UGT3A1: variants seen among roughly 807,000 people sequenced by gnomAD.
UGT3A1 encodes the protein UDP-glycosyltransferase 3A1.
A neutral mutation model predicts 37.6 loss-of-function variants in UGT3A1; 40 were observed. The ratio of observed to expected loss-of-function variants is 1.06; its 90% CI spans 0.83 to 1.38. The LOEUF (loss-of-function observed/expected upper bound fraction) is 1.38, where lower values mean the gene tolerates loss of function less well. Among genes scored for constraint, UGT3A1 ranks in the 40% most tolerant of loss-of-function variants. UGT3A1 has a pLI of 0.00. For missense variants in UGT3A1, 642 were observed against 634.2 expected (o/e 1.01, Z -0.13); for synonymous variants, 256 against 232.3 (o/e 1.10, Z -0.93).
chr5:35,991,311 G>C lies in UGT3A1; in HGVS notation c.-71C>G. 1 of 1,601,522 alleles carries C rather than the reference G, an allele frequency of 6.2e-7. No homozygotes were observed. Among genetic ancestry groups the C allele is most frequent in the Non-Finnish European group, 8.5e-7 (1 of 1,173,658 alleles). ...CTGCGCCGGGCTAAGGACTCTGTGC[G>C]CGCCTCAGTACTCCAAAGGCACTGG... On this transcript the variant is annotated 5_prime_UTR_variant, in exon 1 of 7. Coordinates refer to ENST00000274278, the MANE Select transcript of UGT3A1 (RefSeq NM_152404.4).
rs761189829 is a variant in UGT3A1 at position 35,965,913 on chromosome 5, C to G, written c.316G>C (p.Glu106Gln). The G allele has an allele frequency of 7.8e-6, 12 of 1,536,174 alleles. No homozygotes were observed. The highest frequency in any genetic ancestry group is 1.0e-5 in the Non-Finnish European group (12 of 1,146,574). The change falls in exon 4 of 7, where the codon GAA (glutamate) becomes CAA (glutamine). Residue 106 changes from glutamate (E) to glutamine (Q), a missense_variant. Transcript: ENST00000274278. ...ATTAGCTTTACAAGGGCTTCAGATT[C>G]TTTTCTGTAATAAAGAAAATAAATA... ...YIETALDGRK[E>Q]SEALVKLMEI...
chr5:35,957,776 T>C (rs1460756493), intron 4 of UGT3A1, among the ~76,000 whole-genome samples: 1 of 152,226 alleles, frequency 6.6e-6, no homozygotes, highest in Non-Finnish European at 1.5e-5. Context: ...GAGATTTATA[T>C]TGTAGCCTAA....
At position 35,951,342 on chromosome 5, in the gene UGT3A1, A is replaced by C. The variant is rs1460094850; in HGVS notation, c.*2860T>G. 1 of 152,148 alleles carries C rather than the reference A, an allele frequency of 6.6e-6. No individual in the cohort carries two copies. The highest frequency in any genetic ancestry group is 1.9e-4 in the East Asian group (1 of 5,200). 9.4% of individuals were successfully genotyped at this position (152,148 alleles called of 1,614,324 possible). On this transcript the variant is annotated 3_prime_UTR_variant, in exon 7 of 7. Coordinates refer to ENST00000274278, the MANE Select transcript of UGT3A1 (RefSeq NM_152404.4). ...TTATTCCCTCTGCACTGTTTTTGCA[A>C]GGCAATGCACATAGATATGTATTTT...
At chr5:35,973,705 G>C (rs1166215225) in intron 2 of UGT3A1, among the ~76,000 whole-genome samples, 1 of 152,282 alleles carries the variant, frequency 6.6e-6, no homozygotes, top group East Asian at 1.9e-4. Context: ...CAGAGGCTCT[G>C]TGTTTGTTCT....
rs754987941 is a variant in UGT3A1 at position 35,968,119 on chromosome 5, C to T, written c.211G>A (p.Glu71Lys). ...CACCTGATAACTTGGTATGATTTTT[C>T]CTCCTCTTTAATATCTAAGAAAACA... The part of the protein sequence containing the change: ...KFLIPDIKEE[E>K]KSYQVIRWFS... Residue 71 changes from glutamate (E) to lysine (K), a missense_variant, in exon 3 of 7, where the codon GAA becomes AAA. Physicochemically the swap from Glu to Lys is moderately conservative, Grantham distance 56. Coordinates refer to ENST00000274278, the MANE Select transcript of UGT3A1 (RefSeq NM_152404.4). The T allele has an allele frequency of 3.4e-5, 55 of 1,611,020 alleles. No homozygotes were observed. In the South Asian group the frequency reaches 5.7e-4, roughly 17 times the overall value.
Position 35,957,357 on chromosome 5 carries a change from G to T in UGT3A1, c.906C>A (p.Ser302=), listed in dbSNP as rs772645981. 17 of 1,614,128 alleles carry T rather than the reference G, an allele frequency of 1.1e-5. 1 individual carries two copies. The highest frequency in any genetic ancestry group is 3.3e-4 in the Middle Eastern group (2 of 6,062). ...CCTGGGACTGATGGGTGTTCAACAT[G>T]GAGCCAAAGGCCACAAGGACAAACC... ...DAGFVLVAFG[S]MLNTHQSQEV... Residue 302 remains serine, a synonymous_variant, in exon 5 of 7, where the codon TCC becomes TCA. Transcript: ENST00000274278.
chr5:35,989,234 T>C (rs1247773593), intron 1 of UGT3A1, among the ~76,000 whole-genome samples: 2 of 152,222 alleles, frequency 1.3e-5, no homozygotes, highest in Non-Finnish European at 2.9e-5. Context: ...AGATCCTGGT[T>C]GCACCAGAAA....
At chr5:35,980,835 T>A (rs1284826882) in intron 2 of UGT3A1, among the ~76,000 whole-genome samples, 1 of 152,222 alleles carries the variant, frequency 6.6e-6, no homozygotes, top group Non-Finnish European at 1.5e-5. Context: ...CAGATAAAGA[T>A]GTTGTACATT....
At chr5:35,959,189 T>G (rs1739479347) in intron 4 of UGT3A1, among the ~76,000 whole-genome samples, 1 of 152,172 alleles carries the variant, frequency 6.6e-6, no homozygotes. Context: ...ACCTTAATCT[T>G]GATCAAAACA....
chr5:35,975,315 C>A (rs1311904186), intron 2 of UGT3A1, among the ~76,000 whole-genome samples: 4 of 152,214 alleles, frequency 2.6e-5, no homozygotes, highest in African/African-American at 7.2e-5. Context: ...CATTGATTGC[C>A]TGATTAGCAT....
upstream of UGT3A1, among the ~76,000 whole-genome samples, chr5:35,996,205 C>A (rs1741092005): frequency 6.6e-6 from 1 of 152,086 alleles, no homozygotes; most frequent in Admixed American, 6.6e-5. Flanking sequence ...CTGCCTTAGG[C>A]TGAAACAAAA....
chr5:35,991,578 G>C, upstream of UGT3A1: 1 of 1,064,816 alleles, frequency 9.4e-7, no homozygotes, highest in African/African-American at 1.7e-5. Context: ...AATGACAGGG[G>C]CCTCAGTAAA....
chr5:35,977,004 G>T (rs1374188002), intron 2 of UGT3A1, among the ~76,000 whole-genome samples: 1 of 134,282 alleles, frequency 7.4e-6, no homozygotes, highest in Non-Finnish European at 1.6e-5. Context: ...AGAAAGAAAA[G>T]AAAGAAAGAA....
rs141591327 is a variant in UGT3A1 at position 35,957,335 on chromosome 5, G to A, written c.928C>T (p.Gln310Ter). The change falls in exon 5 of 7, where the codon CAG becomes TAG. Residue 310 changes from glutamine to a stop codon, truncating the protein, a stop_gained. Coordinates refer to ENST00000274278, the MANE Select transcript of UGT3A1 (RefSeq NM_152404.4). LOFTEE classifies it high-confidence loss of function. ...FGSMLNTHQS[Q>*]EVLKKMHNAF... Reference sequence around the variant, plus strand: ...TTGTGCATCTTCTTGAGGACTTCCTGGGACTGATGGGTGTTCAACATGGAG... The same window carrying A: ...TTGTGCATCTTCTTGAGGACTTCCTAGGACTGATGGGTGTTCAACATGGAG... 5 of 1,614,160 alleles carry A rather than the reference G, an allele frequency of 3.1e-6. No individual in the cohort carries two copies. Among genetic ancestry groups the A allele is most frequent in the Non-Finnish European group, 4.2e-6 (5 of 1,180,042 alleles).
chr5:35,997,988 C>T (rs1385767907), intron 1 of UGT3A1, among the ~76,000 whole-genome samples: 6 of 152,210 alleles, frequency 3.9e-5, no homozygotes, highest in Non-Finnish European at 7.3e-5. Context: ...ATGCCTGTCA[C>T]TAAGAAACAA....
At chr5:35,958,589 C>A (rs1304966942) in intron 4 of UGT3A1, among the ~76,000 whole-genome samples, 1 of 152,162 alleles carries the variant, frequency 6.6e-6, no homozygotes, top group African/African-American at 2.4e-5. Flanking sequence ...TTCAGAGAAA[C>A]ATTTGAAAAT....
chr5:35,957,399 G>C lies in UGT3A1; in HGVS notation c.864C>G (p.Ala288=). The change falls in exon 5 of 7, where the codon GCC becomes GCG. Residue 288 remains alanine (A), a synonymous_variant. Transcript: ENST00000274278. ...GGACAAACCCTGCATCCCCAAAGTT[G>C]GCAATGAAGTTGTCCAAGTCCTAGA... The part of the protein sequence containing the change: ...PVPQDLDNFI[A]NFGDAGFVLV... 6.2e-7 allele frequency: 1 copy of C among 1,614,076 alleles called. No homozygotes were observed. Among genetic ancestry groups the C allele is most frequent in the African/African-American group, 1.3e-5 (1 of 75,028 alleles).
chr5:35,998,568 C>T (rs994971048), intron 1 of UGT3A1, among the ~76,000 whole-genome samples: 5 of 152,320 alleles, frequency 3.3e-5, no homozygotes, highest in South Asian at 2.1e-4. Flanking sequence ...TGGGACTTTT[C>T]GACAAAATCC....
intron 2 of UGT3A1, among the ~76,000 whole-genome samples, chr5:35,981,967 A>C (rs1740541132): frequency 6.6e-6 from 1 of 152,256 alleles, no homozygotes; most frequent in Non-Finnish European, 1.5e-5. Flanking sequence ...GCCACAGCTA[A>C]AAGAGGCCCA....
Sources: allele counts gnomAD v4.1 joint callset (sites outside exome capture counted in the v4.1 genomes callset), GRCh38; gene constraint gnomAD v4.1.1; transcripts MANE v1.5; gene names NCBI Gene and HGNC (gene_info 2026-07-23, HGNC 2026-07-21).